CNTNAP2: variants seen among roughly 807,000 people sequenced by gnomAD.
The protein encoded by CNTNAP2 is contactin associated protein 2, also known as contactin-associated protein-like 2.
Under a neutral mutation model 155.2 loss-of-function variants are expected in CNTNAP2, and 98 were observed. The ratio of observed to expected loss-of-function variants is 0.63; its 90% CI spans 0.54 to 0.75. The LOEUF (loss-of-function observed/expected upper bound fraction) is 0.75, where lower values mean the gene tolerates loss of function less well. Among genes scored for constraint, CNTNAP2 ranks in the 30% least tolerant of loss-of-function variants. The probability of loss-of-function intolerance (pLI) is 0.00; values close to 1 mark genes in which losing one functional copy is unlikely to be tolerated. For missense variants in CNTNAP2, 1,727 were observed against 1,688.1 expected (o/e 1.02, Z -0.40); for synonymous variants, 651 against 631.2 (o/e 1.03, Z -0.47).
At chr7:147,273,507 C>T (rs912718888) in intron 8 of CNTNAP2, among the ~76,000 whole-genome samples, 9 of 151,904 alleles carry the variant, frequency 5.9e-5, no homozygotes, top group Non-Finnish European at 8.8e-5. Context: ...CCTTCACCCG[C>T]TCTGACCCAC....
At chr7:146,826,868 A>C (rs1803414438) in intron 2 of CNTNAP2, among the ~76,000 whole-genome samples, 1 of 151,142 alleles carries the variant, frequency 6.6e-6, no homozygotes, top group South Asian at 2.1e-4. Context: ...AGAGAGAGAG[A>C]GAGAGAGAGA....
chr7:147,114,912 C>A (rs1409247108), intron 5 of CNTNAP2, among the ~76,000 whole-genome samples: 3 of 152,092 alleles, frequency 2.0e-5, no homozygotes, highest in Admixed American at 1.3e-4. Flanking sequence ...TGTCACTGGT[C>A]TGTGTATTTC....
intron 14 of CNTNAP2, among the ~76,000 whole-genome samples, chr7:147,975,339 G>A (rs1417934549): frequency 1.3e-5 from 2 of 151,956 alleles, no homozygotes; most frequent in East Asian, 3.9e-4. Context: ...TGCTTCTAGG[G>A]TGCTGGAGCT....
intron 10 of CNTNAP2, among the ~76,000 whole-genome samples, chr7:147,483,689 C>T (rs1266860437): frequency 3.3e-5 from 5 of 152,184 alleles, no homozygotes; most frequent in East Asian, 3.9e-4. Flanking sequence ...ACACCATATA[C>T]GTACTGAATT....
At chr7:147,297,598 G>A (rs572302176) in intron 8 of CNTNAP2, among the ~76,000 whole-genome samples, 1 of 152,216 alleles carries the variant, frequency 6.6e-6, no homozygotes, top group East Asian at 1.9e-4. Flanking sequence ...ATTCACACGA[G>A]GCATTCCAGA....
intron 13 of CNTNAP2, among the ~76,000 whole-genome samples, chr7:147,655,209 G>A (rs550968951): frequency 4.0e-5 from 6 of 151,570 alleles, no homozygotes; most frequent in Admixed American, 6.6e-5. Context: ...TGCATCCTCC[G>A]CCTCCTGGAT....
At chr7:147,938,971 A>G (rs1034840941) in intron 14 of CNTNAP2, among the ~76,000 whole-genome samples, 13 of 152,108 alleles carry the variant, frequency 8.5e-5, no homozygotes, top group African/African-American at 2.7e-4. Context: ...ACAGCTTTCA[A>G]TATTAGATTT....
At chr7:146,999,657 AT>A (rs1162714727) in intron 3 of CNTNAP2, among the ~76,000 whole-genome samples, 1 of 150,784 alleles carries the variant, frequency 6.6e-6, no homozygotes, top group African/African-American at 2.4e-5. Flanking sequence ...AGGGCATAGT[AT>A]TTTTTGTTGA....
At position 147,230,543 on chromosome 7, in the gene CNTNAP2, A is replaced by G. The variant is rs182867406; in HGVS notation, c.1349-69598A>G. 2.7e-3 allele frequency among the ~76,000 whole-genome samples: 408 copies of G among 152,332 alleles called. 1 individual carries two copies. Among genetic ancestry groups the G allele is most frequent in the African/African-American group, 9.2e-3 (382 of 41,572 alleles). On this transcript the variant is annotated intron_variant, in intron 8 of 23. Coordinates refer to ENST00000361727, the MANE Select transcript of CNTNAP2 (RefSeq NM_014141.6). Reference sequence around the variant, plus strand: ...GGATTGCAGGCATGAACCATGGTGGATGGCCTGAAATATTTAATTGACATA... The same window carrying G: ...GGATTGCAGGCATGAACCATGGTGGGTGGCCTGAAATATTTAATTGACATA...
intron 1 of CNTNAP2, among the ~76,000 whole-genome samples, chr7:146,567,406 AAATC>A (rs552897931): frequency 3.5e-4 from 54 of 152,338 alleles, no homozygotes; most frequent in African/African-American, 9.6e-4. Context: ...TCAGATTTGA[AAATC>A]AATCAATTTA....
At chr7:146,225,547 A>G (rs1388859497) in intron 1 of CNTNAP2, among the ~76,000 whole-genome samples, 1 of 152,126 alleles carries the variant, frequency 6.6e-6, no homozygotes, top group Non-Finnish European at 1.5e-5. Context: ...GAAACTGTGT[A>G]TCTAAGCCAC....
chr7:146,907,971 A>G (rs1196085556), intron 3 of CNTNAP2, among the ~76,000 whole-genome samples: 25 of 152,272 alleles, frequency 1.6e-4, no homozygotes, highest in South Asian at 8.3e-4. Context: ...CCAAGCAAAT[A>G]GAAAACTAAA....
At chr7:146,245,545 G>T (rs1226105419) in intron 1 of CNTNAP2, among the ~76,000 whole-genome samples, 4 of 152,090 alleles carry the variant, frequency 2.6e-5, no homozygotes, top group Non-Finnish European at 5.9e-5. Context: ...GTGCAGTCCT[G>T]GCTCTTGTGT....
chr7:146,680,764 A>G (rs897301874), intron 1 of CNTNAP2, among the ~76,000 whole-genome samples: 2 of 152,206 alleles, frequency 1.3e-5, no homozygotes, highest in East Asian at 3.9e-4. Context: ...TGGCAATGCT[A>G]CAGCAGTTAT....
chr7:148,347,229 C>T (rs1284433601), intron 21 of CNTNAP2, among the ~76,000 whole-genome samples: 2 of 151,728 alleles, frequency 1.3e-5, no homozygotes, highest in Non-Finnish European at 2.9e-5. Flanking sequence ...TACACTTCAG[C>T]CTGGGTGACA....
At chr7:147,496,797 TA>T (rs1798717334) in intron 11 of CNTNAP2, 1 of 137,318 alleles carries the variant, frequency 7.3e-6, no homozygotes, top group Non-Finnish European at 1.6e-5. Flanking sequence ...TTTTATTTTT[TA>T]TTTTTTTTTA....
At chr7:147,499,101 A>C (rs998311845) in intron 11 of CNTNAP2, among the ~76,000 whole-genome samples, 2 of 152,226 alleles carry the variant, frequency 1.3e-5, no homozygotes, top group Non-Finnish European at 2.9e-5. Flanking sequence ...AATCTTGAGA[A>C]ATCTTTTGCT....
At chr7:146,498,519 C>A (rs1050653774) in intron 1 of CNTNAP2, among the ~76,000 whole-genome samples, 2 of 152,114 alleles carry the variant, frequency 1.3e-5, no homozygotes, top group African/African-American at 4.8e-5. Flanking sequence ...CTTTTCCCCC[C>A]AAACTCAGAG....
chr7:148,130,021 G>A (rs1804798716), intron 16 of CNTNAP2, among the ~76,000 whole-genome samples: 1 of 152,190 alleles, frequency 6.6e-6, no homozygotes, highest in African/African-American at 2.4e-5. Flanking sequence ...CCACCTAATT[G>A]TAAATGCTAA....
Sources: allele counts gnomAD v4.1 joint callset (sites outside exome capture counted in the v4.1 genomes callset), GRCh38; gene constraint gnomAD v4.1.1; transcripts MANE v1.5; gene names NCBI Gene and HGNC (gene_info 2026-07-23, HGNC 2026-07-21).